TMEM50B: variants seen among roughly 807,000 people sequenced by gnomAD.
TMEM50B encodes the protein transmembrane protein 50B.
Under a neutral mutation model 23.4 loss-of-function variants are expected in TMEM50B, and 14 were observed. That is an observed-to-expected ratio of 0.60 (90% CI 0.39 to 0.93). The LOEUF (loss-of-function observed/expected upper bound fraction) is 0.93. Among genes scored for constraint, TMEM50B ranks in the 40% least tolerant of loss-of-function variants. TMEM50B has a pLI of 0.00. For missense variants in TMEM50B, 159 were observed against 193.0 expected, an observed-to-expected ratio of 0.82 and a Z score of 1.04; for synonymous variants, 64 against 62.3, an observed-to-expected ratio of 1.03 and a Z score of -0.13.
chr21:33,457,987 A>G (rs1005472015), intron 5 of TMEM50B, among the ~76,000 whole-genome samples: 3 of 152,228 alleles, frequency 2.0e-5, no homozygotes, highest in African/African-American at 7.2e-5. Context: ...TGATGAGACC[A>G]TGCACAAATA....
intron 5 of TMEM50B, 186 bp from the exon 6 acceptor site, chr21:33,455,970 T>G (rs1305864622): frequency 1.4e-6 from 1 of 703,996 alleles, no homozygotes; most frequent in Non-Finnish European, 2.6e-6. Context: ...AGCAAAGGAC[T>G]GCTCTTACTC....
In TMEM50B at chr21:33,465,413, G is replaced by C; in HGVS notation, c.213-4C>G. ...AGCATTGGATACAGCATTTATCCTA[G>C]AACGGCACAAAATCATCAAATGAAT... is the stretch of plus-strand genomic sequence containing the variant. On this transcript the variant is annotated splice_polypyrimidine_tract_variant and splice_region_variant and intron_variant, in intron 3 of 6. Transcript: ENST00000542230. The C allele has an allele frequency of 1.1e-5, 17 of 1,607,408 alleles. No individual in the cohort carries two copies. The highest frequency in any genetic ancestry group is 1.4e-5 in the Non-Finnish European group (17 of 1,177,370).
intron 8 of TMEM50B, chr21:33,436,822 C>T (rs2083958517): frequency 6.2e-7 from 1 of 1,613,920 alleles, no homozygotes; most frequent in African/African-American, 1.3e-5. Flanking sequence ...TTCCAACCTC[C>T]TCAAGTATTT....
chr21:33,475,941 C>T (rs752513439), intron 1 of TMEM50B, among the ~76,000 whole-genome samples: 17 of 151,662 alleles, frequency 1.1e-4, no homozygotes, highest in Admixed American at 1.3e-4. Flanking sequence ...GCAGCAGAGC[C>T]CCCTCTAATC....
At chr21:33,459,495 G>A (rs2084198587) in intron 5 of TMEM50B, among the ~76,000 whole-genome samples, 2 of 151,806 alleles carry the variant, frequency 1.3e-5, no homozygotes. Flanking sequence ...GTGAAACCCT[G>A]TCTCTACTAA....
At chr21:33,472,846 A>G (rs2084330498) in intron 1 of TMEM50B, among the ~76,000 whole-genome samples, 1 of 151,976 alleles carries the variant, frequency 6.6e-6, no homozygotes, top group African/African-American at 2.4e-5. Context: ...ATTGCATTTC[A>G]GCCTGGGAAA....
At chr21:33,473,511 T>G (rs1247576819) in intron 1 of TMEM50B, among the ~76,000 whole-genome samples, 2 of 145,028 alleles carry the variant, frequency 1.4e-5, no homozygotes, top group East Asian at 4.0e-4. Flanking sequence ...AGCAAAAATA[T>G]TCTCCAAAAA....
intron 6 of TMEM50B, among the ~76,000 whole-genome samples, chr21:33,454,967 A>C (rs1449996612): frequency 6.6e-6 from 1 of 151,952 alleles, no homozygotes; most frequent in Non-Finnish European, 1.5e-5. Flanking sequence ...AATACAAAAA[A>C]TTAGCTGGGT....
downstream of TMEM50B, among the ~76,000 whole-genome samples, chr21:33,446,453 T>G (rs2084056157): frequency 6.6e-6 from 1 of 150,718 alleles, no homozygotes; most frequent in African/African-American, 2.4e-5. Flanking sequence ...GCCAGGCTGA[T>G]CTCGAACTCC....
intron 5 of TMEM50B, among the ~76,000 whole-genome samples, chr21:33,458,462 C>T (rs1298684860): frequency 1.3e-5 from 2 of 152,048 alleles, no homozygotes; most frequent in East Asian, 1.9e-4. Context: ...TGCAGTGAGC[C>T]GAGATCACGC....
chr21:33,453,653 T>G (rs962881650), intron 6 of TMEM50B, among the ~76,000 whole-genome samples: 2 of 152,012 alleles, frequency 1.3e-5, no homozygotes, highest in Non-Finnish European at 1.5e-5. Context: ...TCAAGAAAAC[T>G]AGACCACAGT....
At chr21:33,456,721 A>T (rs2084171688) in intron 5 of TMEM50B, among the ~76,000 whole-genome samples, 1 of 152,184 alleles carries the variant, frequency 6.6e-6, no homozygotes, top group African/African-American at 2.4e-5. Context: ...ATTTAACCTC[A>T]GCATATCTTC....
exon 9 of TMEM50B, chr21:33,432,763 G>C (rs115458101): frequency 6.2e-7 from 1 of 1,613,930 alleles, no homozygotes; most frequent in Non-Finnish European, 8.5e-7. Context: ...GAACATTTTC[G>C]TTGCTGTCGG....
At chr21:33,478,494 T>TA (rs1446415450) in intron 1 of TMEM50B, among the ~76,000 whole-genome samples, 1 of 151,846 alleles carries the variant, frequency 6.6e-6, no homozygotes, top group East Asian at 1.9e-4. Flanking sequence ...AAAATGAGGA[T>TA]AAAATACGAT....
intron 5 of TMEM50B, among the ~76,000 whole-genome samples, chr21:33,457,378 G>A (rs769554096): frequency 2.0e-5 from 3 of 151,954 alleles, no homozygotes; most frequent in Admixed American, 6.6e-5. Flanking sequence ...GGCTGGGAGC[G>A]GTGGTTCATG....
chr21:33,461,007 T>C (rs1476530961), intron 4 of TMEM50B, among the ~76,000 whole-genome samples: 1 of 152,214 alleles, frequency 6.6e-6, no homozygotes, highest in Non-Finnish European at 1.5e-5. Context: ...TACCACATAT[T>C]CATGAAAACT....
chr21:33,471,921 GC>G (rs2084320391), intron 1 of TMEM50B, among the ~76,000 whole-genome samples: 6 of 126,358 alleles, frequency 4.7e-5, no homozygotes, highest in African/African-American at 1.3e-4. Context: ...TGTAGTCCCA[GC>G]TACTCAGGAG....
intron 4 of TMEM50B, among the ~76,000 whole-genome samples, chr21:33,464,795 A>C (rs1402483523): frequency 2.6e-5 from 3 of 113,792 alleles, no homozygotes; most frequent in Admixed American, 9.0e-5. Flanking sequence ...GAAGAGCTAA[A>C]CTCCGTCTCA....
At chr21:33,463,964 CTTAAA>C (rs1264032166) in intron 4 of TMEM50B, among the ~76,000 whole-genome samples, 3 of 152,172 alleles carry the variant, frequency 2.0e-5, no homozygotes, top group African/African-American at 7.2e-5. Context: ...TTTTATTATA[CTTAAA>C]TTATATTCAA....
Sources: gnomAD v4.1 joint callset for allele counts (sites outside exome capture counted in the v4.1 genomes callset) on GRCh38, gnomAD v4.1.1 for gene constraint, MANE v1.5 for transcripts, NCBI Gene and HGNC (gene_info 2026-07-23, HGNC 2026-07-21) for gene names.